The following JPH1 variants were observed in gnomAD, a reference collection of about 807,000 sequenced individuals.
The protein encoded by JPH1 is junctophilin-1.
JPH1 carries 12 observed loss-of-function variants against 53.6 expected under a neutral mutation model. The observed-to-expected ratio is 0.22, with a 90% CI of 0.14 to 0.36. The LOEUF (loss-of-function observed/expected upper bound fraction) is 0.36, where lower values mean the gene tolerates loss of function less well. Among genes scored for constraint, JPH1 ranks in the 10% least tolerant of loss-of-function variants. The pLI is 1.00. For missense variants in JPH1, 808 were observed against 905.5 expected (o/e 0.89, Z 1.38); for synonymous variants, 375 against 363.8 (o/e 1.03, Z -0.35).
At chr8:74,277,079 C>T (rs1450866274) in intron 2 of JPH1, among the ~76,000 whole-genome samples, 1 of 152,148 alleles carries the variant, frequency 6.6e-6, no homozygotes, top group Non-Finnish European at 1.5e-5. Context: ...TGAAGTGTTG[C>T]CAGTGTTGTT....
At chr8:74,259,333 G>A (rs1169862748) in intron 3 of JPH1, 52 bp downstream of exon 3, 2 of 1,340,696 alleles carry the variant, frequency 1.5e-6, no homozygotes, top group Non-Finnish European at 2.1e-6. Flanking sequence ...GGAAATAAAA[G>A]CAAGCCAAAG....
chr8:74,272,765 G>A (rs1228230361), intron 2 of JPH1, among the ~76,000 whole-genome samples: 7 of 151,766 alleles, frequency 4.6e-5, no homozygotes, highest in African/African-American at 1.2e-4. Context: ...CACCATGCCC[G>A]GCTAATTTTT....
intron 2 of JPH1, among the ~76,000 whole-genome samples, chr8:74,314,407 T>C (rs1808079059): frequency 6.6e-6 from 1 of 152,220 alleles, no homozygotes; most frequent in South Asian, 2.1e-4. Flanking sequence ...ATACCTCCGA[T>C]GTAAATATCA....
At chr8:74,251,950 C>T (rs1806079077) in intron 3 of JPH1, among the ~76,000 whole-genome samples, 2 of 152,124 alleles carry the variant, frequency 1.3e-5, no homozygotes, top group African/African-American at 4.8e-5. Flanking sequence ...ACCAAAACAG[C>T]ATGGTACTGC....
At position 74,238,652 on chromosome 8, in the gene JPH1, C is replaced by T. The variant is rs116111857; in HGVS notation, c.1906-1349G>A. Among the ~76,000 whole-genome samples, 621 of 152,194 alleles carry T rather than the reference C, an allele frequency of 4.1e-3. 2 individuals carry two copies. Among genetic ancestry groups the T allele is most frequent in the African/African-American group, 0.014 (591 of 41,524 alleles). On this transcript the variant is annotated intron_variant, in intron 4 of 5. Coordinates refer to ENST00000342232, the MANE Select transcript of JPH1 (RefSeq NM_020647.4). The stretch of plus-strand genomic sequence containing the variant: ...TATCTTCCAGCACATTTCCAAGTGC[C>T]GTGGATGTGGGTTGTTTTGTTTTGA...
Position 74,315,222 on chromosome 8 carries a change from C to T in JPH1, c.778G>A (p.Gly260Ser), listed in dbSNP as rs768878792. 1 of 1,614,212 alleles carries T rather than the reference C, an allele frequency of 6.2e-7. No individual in the cohort carries two copies. Among genetic ancestry groups the T allele is most frequent in the Non-Finnish European group, 8.5e-7 (1 of 1,180,046 alleles). ...GGGCAAAAATCACAATCTACATCGC[C>T]AAAGCTGATCGTGGAGTTGGCATCG... is the stretch of plus-strand genomic sequence containing the variant. ...SSDANSTISF[G>S]DVDCDFCPVE... is the part of the protein sequence containing the mutation. The change falls in exon 2 of 6, where the codon GGC becomes AGC. Residue 260 changes from glycine (G) to serine (S), a missense_variant. Gly to Ser is a moderately conservative substitution (Grantham distance 56). Coordinates refer to ENST00000342232, the MANE Select transcript of JPH1 (RefSeq NM_020647.4). The surrounding 1 kb of genome is among the most constrained non-coding windows in gnomAD (Gnocchi z 6.3).
chr8:74,300,303 T>A, intron 2 of JPH1, among the ~76,000 whole-genome samples: 1 of 152,246 alleles, frequency 6.6e-6, no homozygotes, highest in Admixed American at 6.5e-5. Context: ...GGCAGAGCAC[T>A]AATAAACAAA....
intron 3 of JPH1, among the ~76,000 whole-genome samples, chr8:74,255,536 T>C (rs914606142): frequency 6.9e-4 from 105 of 152,040 alleles, no homozygotes; most frequent in African/African-American, 2.5e-3. Context: ...AAAGCCAAAA[T>C]TGACAAATGG....
intron 2 of JPH1, among the ~76,000 whole-genome samples, chr8:74,275,901 C>G (rs1305678975): frequency 6.6e-6 from 1 of 152,122 alleles, no homozygotes; most frequent in Non-Finnish European, 1.5e-5. Flanking sequence ...GAGACCAATT[C>G]TGGCCTTAAA....
chr8:74,269,593 T>C (rs1806639527), intron 2 of JPH1, among the ~76,000 whole-genome samples: 1 of 152,238 alleles, frequency 6.6e-6, no homozygotes, highest in Non-Finnish European at 1.5e-5. Context: ...TATATTAAAC[T>C]TCTGGTTTTG....
chr8:74,255,073 G>C (rs1232156974), intron 3 of JPH1, among the ~76,000 whole-genome samples: 3 of 152,148 alleles, frequency 2.0e-5, no homozygotes, highest in Non-Finnish European at 4.4e-5. Flanking sequence ...CCAAAAAAGA[G>C]CCTGCATTGC....
intron 4 of JPH1, among the ~76,000 whole-genome samples, chr8:74,242,969 C>CT (rs1006771010): frequency 6.6e-6 from 1 of 152,122 alleles, no homozygotes; most frequent in Non-Finnish European, 1.5e-5. Context: ...GGTAATTCAA[C>CT]TTTTTTTTCC....
intron 2 of JPH1, among the ~76,000 whole-genome samples, chr8:74,305,417 C>A (rs185589981): frequency 6.6e-6 from 1 of 152,190 alleles, no homozygotes; most frequent in Non-Finnish European, 1.5e-5. Context: ...GAATGCAATC[C>A]CATTTTGGGG....
chr8:74,275,994 T>C (rs1300773588), intron 2 of JPH1, among the ~76,000 whole-genome samples: 1 of 152,254 alleles, frequency 6.6e-6, no homozygotes, highest in Non-Finnish European at 1.5e-5. Context: ...GATTATATTG[T>C]ATGCTTCCCT....
chr8:74,315,496 G>C lies in JPH1; in HGVS notation c.504C>G (p.Ser168Arg). 1 of 1,605,844 alleles carries C rather than the reference G, an allele frequency of 6.2e-7. No individual in the cohort carries two copies. Among genetic ancestry groups the C allele is most frequent in the Non-Finnish European group, 8.5e-7 (1 of 1,177,012 alleles). The change falls in exon 2 of 6, where the codon AGC (serine) becomes AGG (arginine). Residue 168 changes from serine to arginine, a missense_variant. Transcript: ENST00000342232. The surrounding 1 kb of genome is among the most constrained non-coding windows in gnomAD (Gnocchi z 6.3). ...GGAGCACGCTGCCATTGCTCTGCTC[G>C]CTGCGCAGCGAGGCCAGCGAGGTAC... is the stretch of plus-strand genomic sequence containing the variant. Reference protein sequence around the residue: ...PLRTSLASLRSEQSNGSVLHD... With the variant: ...PLRTSLASLRREQSNGSVLHD...
rs1475266576 is a variant in JPH1 at position 74,317,727 on chromosome 8, A to C, written c.380-2107T>G. On this transcript the variant is annotated intron_variant, in intron 1 of 5. Coordinates refer to ENST00000342232, the MANE Select transcript of JPH1 (RefSeq NM_020647.4). Reference sequence around the variant, plus strand: ...GAACAATTTGCAGAGATGCTGTTTGATATCAATAAGTATCTGCACTTTTAA... The same window carrying C: ...GAACAATTTGCAGAGATGCTGTTTGCTATCAATAAGTATCTGCACTTTTAA... Among the ~76,000 whole-genome samples, 3 of 152,234 alleles carry C rather than the reference A, an allele frequency of 2.0e-5. No homozygotes were observed. The South Asian group carries it at 6.2e-4, about 31-fold the overall frequency.
At chr8:74,289,473 T>C (rs1243321079) in intron 2 of JPH1, among the ~76,000 whole-genome samples, 2 of 152,206 alleles carry the variant, frequency 1.3e-5, no homozygotes, top group East Asian at 1.9e-4. Flanking sequence ...AACCCTGCAG[T>C]AGCACACTAA....
chr8:74,283,477 G>A (rs942217298), intron 2 of JPH1, among the ~76,000 whole-genome samples: 1 of 152,166 alleles, frequency 6.6e-6, no homozygotes, highest in African/African-American at 2.4e-5. Context: ...GCCAGAAACT[G>A]AGGGCTGTGA....
intron 2 of JPH1, among the ~76,000 whole-genome samples, chr8:74,294,182 C>T (rs974969993): frequency 2.0e-5 from 3 of 152,198 alleles, no homozygotes; most frequent in Non-Finnish European, 4.4e-5. Context: ...ACAGCTAGGG[C>T]CTGGGGACTT....
Sources: allele counts gnomAD v4.1 joint callset (sites outside exome capture counted in the v4.1 genomes callset), GRCh38; gene constraint gnomAD v4.1.1; non-coding constraint Gnocchi (gnomAD v3.1); transcripts MANE v1.5; gene names NCBI Gene and HGNC (gene_info 2026-07-23, HGNC 2026-07-21).